Variants in KCNN2 observed in about 807,000 individuals in gnomAD.
The protein encoded by KCNN2 is potassium calcium-activated channel subfamily N member 2.
In KCNN2, 24 loss-of-function variants were observed where a neutral mutation model predicts 55.5. That is an observed-to-expected ratio of 0.43 (90% CI 0.31 to 0.61). KCNN2 has a LOEUF of 0.61. KCNN2 is among the 20% of genes least tolerant of loss of function. KCNN2 has a pLI of 0.08. For synonymous variants in KCNN2, 431 were observed against 336.1 expected, an observed-to-expected ratio of 1.28 and a Z score of -3.09; for missense variants, 754 against 853.6, an observed-to-expected ratio of 0.88 and a Z score of 1.45.
intron 1 of KCNN2, among the ~76,000 whole-genome samples, chr5:114,178,078 C>A (rs185045957): frequency 4.6e-5 from 7 of 152,120 alleles, no homozygotes; most frequent in African/African-American, 1.4e-4. Context: ...TCTTCCTATT[C>A]ACTGCCTATT....
Position 114,242,055 on chromosome 5 carries a change from A to G in KCNN2, c.-185+20490A>G, listed in dbSNP as rs572659012. Among the ~76,000 whole-genome samples the G allele has an allele frequency of 2.6e-5, 4 of 151,440 alleles. No homozygotes were observed. The South Asian group carries it at 8.4e-4, about 32-fold the overall frequency. On this transcript the variant is annotated intron_variant, in intron 2 of 10. Transcript: ENST00000512097. ...TTGAGCCCCAGTTCCCACACGGTGA[A>G]ATGGAGAGTGTCAGGTAACACATGC...
At chr5:114,219,242 A>C (rs1580630673) in intron 1 of KCNN2, among the ~76,000 whole-genome samples, 1 of 152,206 alleles carries the variant, frequency 6.6e-6, no homozygotes. Context: ...AAAGCTTAGT[A>C]GGCTGTTTGC....
At chr5:114,380,046 T>G (rs1305526148) in intron 2 of KCNN2, among the ~76,000 whole-genome samples, 2 of 151,520 alleles carry the variant, frequency 1.3e-5, no homozygotes, top group South Asian at 2.1e-4. Context: ...AGACTTAGTA[T>G]TTTTTTTAAC....
intron 2 of KCNN2, among the ~76,000 whole-genome samples, chr5:114,387,785 C>CT (rs1339170315): frequency 6.6e-6 from 1 of 152,206 alleles, no homozygotes; most frequent in Non-Finnish European, 1.5e-5. Flanking sequence ...ACTAGACTCT[C>CT]TGACATTTCA....
At chr5:114,122,381 A>G (rs1751844724) in intron 1 of KCNN2, among the ~76,000 whole-genome samples, 1 of 152,188 alleles carries the variant, frequency 6.6e-6, no homozygotes, top group South Asian at 2.1e-4. Context: ...ATGGTGCTTT[A>G]ACACTAAGAA....
chr5:114,254,111 C>T (rs145204706), intron 2 of KCNN2, among the ~76,000 whole-genome samples: 1 of 152,178 alleles, frequency 6.6e-6, no homozygotes, highest in East Asian at 1.9e-4. Context: ...ACATTTTGAT[C>T]TGATAAAAAT....
intron 2 of KCNN2, among the ~76,000 whole-genome samples, chr5:114,306,991 ACTTTAATAAAGGGG>A (rs1344741469): frequency 2.0e-5 from 3 of 152,090 alleles, no homozygotes; most frequent in East Asian, 3.9e-4. Context: ...GGTATGAGCC[ACTTTAATAAAGGGG>A]CTTTAATAAA....
chr5:114,405,864 C>T lies in KCNN2; in HGVS notation c.1637+1008C>T, dbSNP rs200941613. ...TAGCTGGGACTACAGGTGCCTGCCA[C>T]CATACCTGGCTAATTTTTTGTATTT... is the stretch of plus-strand genomic sequence containing the variant. On this transcript the variant is annotated intron_variant, in intron 3 of 7. Coordinates refer to ENST00000673685, the MANE Select transcript of KCNN2 (RefSeq NM_021614.4). Among the ~76,000 whole-genome samples, 7 of 152,072 alleles carry T rather than the reference C, an allele frequency of 4.6e-5. No homozygotes were observed. The East Asian group carries it at 1.4e-3, about 29-fold the overall frequency.
chr5:114,137,093 A>G (rs1391568157), intron 1 of KCNN2, among the ~76,000 whole-genome samples: 3 of 152,120 alleles, frequency 2.0e-5, no homozygotes, highest in African/African-American at 7.2e-5. Context: ...ATTAATCAAT[A>G]TTTGAATGAA....
chr5:114,257,872 G>T (rs1184475585), intron 2 of KCNN2, among the ~76,000 whole-genome samples: 1 of 152,126 alleles, frequency 6.6e-6, no homozygotes, highest in Non-Finnish European at 1.5e-5. Context: ...AGAACTTCTA[G>T]TACTCTGTTG....
intron 2 of KCNN2, among the ~76,000 whole-genome samples, chr5:114,342,215 T>A (rs76444411): frequency 6.6e-6 from 1 of 151,928 alleles, no homozygotes; most frequent in African/African-American, 2.4e-5. Flanking sequence ...ATTTTTTTTT[T>A]AAATTATATC....
At chr5:114,487,760 A>G (rs187454934) in intron 6 of KCNN2, among the ~76,000 whole-genome samples, 1 of 152,308 alleles carries the variant, frequency 6.6e-6, no homozygotes, top group African/African-American at 2.4e-5. Flanking sequence ...AGTAAGATGC[A>G]CTGATAATTT....
intron 3 of KCNN2, among the ~76,000 whole-genome samples, chr5:114,431,124 C>G (rs574303754): frequency 2.0e-5 from 3 of 152,042 alleles, no homozygotes; most frequent in Non-Finnish European, 2.9e-5. Flanking sequence ...CTTACCCCCC[C>G]ATCCCGGCTT....
chr5:114,369,571 C>T (rs766738666), intron 2 of KCNN2, among the ~76,000 whole-genome samples: 2 of 152,094 alleles, frequency 1.3e-5, no homozygotes, highest in African/African-American at 4.8e-5. Flanking sequence ...AGAAAACTTG[C>T]CTGAATTCCT....
chr5:114,056,194 G>C (rs909374545), exon 1 of KCNN2: 1 of 394,220 alleles, frequency 2.5e-6, no homozygotes, highest in Non-Finnish European at 4.5e-6. Context: ...GGCAGCGGGG[G>C]CCTGGCTCGC....
chr5:114,347,442 C>T (rs566713830), intron 2 of KCNN2, among the ~76,000 whole-genome samples: 14 of 152,278 alleles, frequency 9.2e-5, no homozygotes, highest in Admixed American at 6.5e-5. Flanking sequence ...TACTAGGCTG[C>T]GTGCTTTATG....
intron 2 of KCNN2, among the ~76,000 whole-genome samples, chr5:114,399,432 G>T (rs370031600): frequency 5.9e-5 from 9 of 152,124 alleles, no homozygotes; most frequent in Admixed American, 5.9e-4. Context: ...CCAACCTTGC[G>T]TCCCAGAGAT....
At chr5:114,269,994 G>A (rs968987257) in intron 2 of KCNN2, among the ~76,000 whole-genome samples, 6 of 152,150 alleles carry the variant, frequency 3.9e-5, no homozygotes, top group African/African-American at 1.4e-4. Context: ...ATTATAAGCT[G>A]TTCATAAGAA....
chr5:114,454,221 G>A (rs1045057508), intron 3 of KCNN2, among the ~76,000 whole-genome samples: 1 of 152,082 alleles, frequency 6.6e-6, no homozygotes, highest in Non-Finnish European at 1.5e-5. Flanking sequence ...ACATAGTTCA[G>A]GAGTCCTGTC....
Sources: allele counts gnomAD v4.1 joint callset (sites outside exome capture counted in the v4.1 genomes callset), GRCh38; gene constraint gnomAD v4.1.1; transcripts MANE v1.5; gene names NCBI Gene and HGNC (gene_info 2026-07-23, HGNC 2026-07-21).